PTPN2: variants seen among roughly 807,000 people sequenced by gnomAD.
PTPN2 encodes the protein protein tyrosine phosphatase non-receptor type 2, also known as tyrosine-protein phosphatase non-receptor type 2.
Under a neutral mutation model 57.3 loss-of-function variants are expected in PTPN2, and 19 were observed. That is an observed-to-expected ratio of 0.33 (90% CI 0.23 to 0.49). The LOEUF (loss-of-function observed/expected upper bound fraction) is 0.49. Among genes scored for constraint, PTPN2 ranks in the 20% least tolerant of loss-of-function variants. PTPN2 has a pLI of 0.99. For synonymous variants in PTPN2, 153 were observed against 164.9 expected (o/e 0.93, Z 0.55); for missense variants, 358 against 501.1 (o/e 0.71, Z 2.73).
intron 2 of PTPN2, chr18:12,843,927 C>G (rs934602533): frequency 2.0e-5 from 3 of 152,240 alleles, no homozygotes; most frequent in East Asian, 1.9e-4. Context: ...CACAAAGGTT[C>G]TGTGTGCCCC....
At chr18:12,825,726 T>G (rs916487853) in intron 5 of PTPN2, 84 bp downstream of exon 5, 1 of 1,347,832 alleles carries the variant, frequency 7.4e-7, no homozygotes, top group Non-Finnish European at 1.0e-6. Context: ...ATGCATGTGC[T>G]TATCAAACTT....
chr18:12,860,285 T>G (rs908319721), intron 1 of PTPN2, among the ~76,000 whole-genome samples: 1 of 145,672 alleles, frequency 6.9e-6, no homozygotes. Flanking sequence ...TGAGACTCTA[T>G]AAAAAAAAAC....
downstream of PTPN2, among the ~76,000 whole-genome samples, chr18:12,791,658 G>C (rs1159948441): frequency 3.3e-5 from 5 of 152,144 alleles, no homozygotes; most frequent in African/African-American, 1.2e-4. Flanking sequence ...AGCATCCACT[G>C]TCAATGCCCT....
chr18:12,817,548 T>C (rs903159023), intron 5 of PTPN2, among the ~76,000 whole-genome samples, 183 bp from the exon 6 acceptor site: 4 of 152,244 alleles, frequency 2.6e-5, no homozygotes, highest in African/African-American at 7.2e-5. Context: ...TAGTGGAAAT[T>C]TGTGATGTAT....
chr18:12,817,064 G>T, intron 6 of PTPN2, 92 bp downstream of exon 6: 1 of 1,222,236 alleles, frequency 8.2e-7, no homozygotes, highest in Non-Finnish European at 1.2e-6. Context: ...CCTCAGTTCT[G>T]GGATACAGCA....
chr18:12,787,851 G>C (rs1268066380), downstream of PTPN2: 1 of 153,786 alleles, frequency 6.5e-6, no homozygotes, highest in Non-Finnish European at 1.5e-5. Context: ...CAGTGGCTCT[G>C]ACACACCACT....
intron 4 of PTPN2, among the ~76,000 whole-genome samples, chr18:12,830,413 T>C (rs977216823): frequency 6.6e-6 from 1 of 152,126 alleles, no homozygotes; most frequent in Non-Finnish European, 1.5e-5. Context: ...GATTACAGGT[T>C]TGAGGCACCG....
At chr18:12,800,137 G>A (rs1455428632) in intron 8 of PTPN2, among the ~76,000 whole-genome samples, 1 of 152,108 alleles carries the variant, frequency 6.6e-6, no homozygotes, top group Non-Finnish European at 1.5e-5. Flanking sequence ...CCATAAAACA[G>A]TCTTCTGCAA....
intron 2 of PTPN2, among the ~76,000 whole-genome samples, chr18:12,854,649 G>A (rs1394261181): frequency 6.6e-6 from 1 of 152,166 alleles, no homozygotes; most frequent in Non-Finnish European, 1.5e-5. Context: ...CCTGTAGACA[G>A]AAAAGTCCAC....
downstream of PTPN2, among the ~76,000 whole-genome samples, chr18:12,788,567 C>CA: frequency 6.6e-6 from 1 of 151,844 alleles, no homozygotes; most frequent in East Asian, 1.9e-4. Context: ...GTTACCAAGC[C>CA]AGGCCTGGTC....
intron 2 of PTPN2, among the ~76,000 whole-genome samples, chr18:12,858,387 T>A (rs565275309): frequency 6.6e-6 from 1 of 152,160 alleles, no homozygotes; most frequent in Non-Finnish European, 1.5e-5. Context: ...GAACAAAAAA[T>A]AAAATCACCG....
intron 3 of PTPN2, among the ~76,000 whole-genome samples, chr18:12,835,204 TA>T (rs765112506): frequency 4.6e-5 from 7 of 151,688 alleles, no homozygotes; most frequent in African/African-American, 1.5e-4. Flanking sequence ...CAAATGCACA[TA>T]AAAAAAACTT....
downstream of PTPN2, among the ~76,000 whole-genome samples, chr18:12,790,492 G>A (rs1336290619): frequency 6.6e-6 from 1 of 152,148 alleles, no homozygotes; most frequent in Non-Finnish European, 1.5e-5. Context: ...ACACATCTGA[G>A]ACTTTTCAAA....
rs1226156651 is a variant in PTPN2 at position 12,884,206 on chromosome 18, T to C, written c.-65A>G. On this transcript the variant is annotated 5_prime_UTR_variant, in exon 1 of 9. Transcript: ENST00000309660. Reference sequence around the variant, plus strand: ...GCGGAGAGGCTCAGGCCCCGCACGATCCGGGGAGAGCGCTGGCGCTGCGGC... The same window carrying C: ...GCGGAGAGGCTCAGGCCCCGCACGACCCGGGGAGAGCGCTGGCGCTGCGGC... The C allele has an allele frequency of 3.7e-6, 5 of 1,339,674 alleles. No individual in the cohort carries two copies. Among genetic ancestry groups the C allele is most frequent in the East Asian group, 2.9e-5 (1 of 34,048 alleles). 83.0% of individuals were successfully genotyped at this position (1,339,674 alleles called of 1,614,324 possible).
At chr18:12,864,636 G>A (rs2043931290) in intron 1 of PTPN2, among the ~76,000 whole-genome samples, 1 of 152,088 alleles carries the variant, frequency 6.6e-6, no homozygotes, top group Non-Finnish European at 1.5e-5. Context: ...CTGACCTCGT[G>A]ATCTGCCCGC....
intron 1 of PTPN2, among the ~76,000 whole-genome samples, chr18:12,872,586 C>G (rs2044306198): frequency 6.6e-6 from 1 of 152,212 alleles, no homozygotes; most frequent in Non-Finnish European, 1.5e-5. Context: ...ACCAGCCCGG[C>G]CCCTGAAATC....
At chr18:12,825,096 TCAACCAACCAAC>T (rs201450350) in intron 5 of PTPN2, among the ~76,000 whole-genome samples, 3 of 151,916 alleles carry the variant, frequency 2.0e-5, no homozygotes, top group African/African-American at 7.3e-5. Flanking sequence ...AAAAAACCAA[TCAACCAACCAAC>T]CAACCAACCA....
downstream of PTPN2, among the ~76,000 whole-genome samples, chr18:12,789,771 T>C (rs370786529): frequency 9.9e-5 from 15 of 152,244 alleles, no homozygotes; most frequent in East Asian, 5.8e-4. Context: ...ACATTTGGCT[T>C]ATAATAGACT....
intron 7 of PTPN2, among the ~76,000 whole-genome samples, chr18:12,803,404 GA>G (rs1484570970): frequency 1.3e-5 from 2 of 152,086 alleles, no homozygotes; most frequent in East Asian, 3.9e-4. Flanking sequence ...TAATACCCTT[GA>G]ATGTAAATAG....
Sources: allele counts gnomAD v4.1 joint callset (sites outside exome capture counted in the v4.1 genomes callset), GRCh38; gene constraint gnomAD v4.1.1; transcripts MANE v1.5; gene names NCBI Gene and HGNC (gene_info 2026-07-23, HGNC 2026-07-21).